MAML2: variants seen among roughly 807,000 people sequenced by gnomAD.
The protein encoded by MAML2 is mastermind-like protein 2.
Under a neutral mutation model 96.1 loss-of-function variants are expected in MAML2, and 22 were observed. The ratio of observed to expected loss-of-function variants is 0.23; its 90% CI spans 0.16 to 0.33. MAML2 has a LOEUF of 0.33. Among genes scored for constraint, MAML2 ranks in the 10% least tolerant of loss-of-function variants. MAML2 has a pLI of 1.00. For missense variants in MAML2, 1,367 were observed against 1,392.4 expected, an observed-to-expected ratio of 0.98 and a Z score of 0.29; for synonymous variants, 561 against 521.3, an observed-to-expected ratio of 1.08 and a Z score of -1.04.
intron 2 of MAML2, among the ~76,000 whole-genome samples, chr11:96,015,196 TG>T (rs1858325446): frequency 6.6e-6 from 1 of 152,054 alleles, no homozygotes; most frequent in Admixed American, 6.5e-5. Context: ...TGATCTAAAG[TG>T]GTGGTAAATC....
chr11:96,271,137 A>G (rs1414569960), intron 1 of MAML2, among the ~76,000 whole-genome samples: 1 of 152,078 alleles, frequency 6.6e-6, no homozygotes, highest in Non-Finnish European at 1.5e-5. Context: ...TGGCTTCCTT[A>G]CCTTTGAGGT....
At chr11:96,259,795 G>T (rs1366535056) in intron 1 of MAML2, among the ~76,000 whole-genome samples, 1 of 152,070 alleles carries the variant, frequency 6.6e-6, no homozygotes, top group Admixed American at 6.5e-5. Flanking sequence ...TTTCAGTAAA[G>T]GTGTCAACTC....
intron 4 of MAML2, among the ~76,000 whole-genome samples, chr11:95,982,251 T>C (rs1262086585): frequency 2.0e-5 from 3 of 152,176 alleles, no homozygotes; most frequent in Admixed American, 1.3e-4. Context: ...ATATTCACTG[T>C]GGAAGAGACT....
intron 1 of MAML2, among the ~76,000 whole-genome samples, chr11:96,255,484 C>T (rs1329207252): frequency 1.3e-5 from 2 of 152,194 alleles, no homozygotes; most frequent in Non-Finnish European, 2.9e-5. Flanking sequence ...TCCCAATCCC[C>T]TCTCACTTGC....
At chr11:96,293,609 T>G (rs375057380) in intron 1 of MAML2, among the ~76,000 whole-genome samples, 1 of 152,084 alleles carries the variant, frequency 6.6e-6, no homozygotes, top group African/African-American at 2.4e-5. Context: ...ATATCAATCT[T>G]GAAGACTCCA....
chr11:96,323,629 A>G (rs1309514463), intron 1 of MAML2, among the ~76,000 whole-genome samples: 1 of 152,250 alleles, frequency 6.6e-6, no homozygotes, highest in Non-Finnish European at 1.5e-5. Flanking sequence ...CACTCACAGT[A>G]TAATCTGGTC....
At chr11:95,994,052 A>C (rs987464828) in intron 2 of MAML2, among the ~76,000 whole-genome samples, 3 of 152,158 alleles carry the variant, frequency 2.0e-5, no homozygotes, top group Non-Finnish European at 4.4e-5. Flanking sequence ...CAATCAGTAC[A>C]CTTTACTGCC....
intron 1 of MAML2, among the ~76,000 whole-genome samples, chr11:96,340,931 G>C (rs1447664384): frequency 6.6e-6 from 1 of 152,138 alleles, no homozygotes; most frequent in East Asian, 1.9e-4. Context: ...AAAAGGGAGA[G>C]GGGAAATGGG....
intron 1 of MAML2, among the ~76,000 whole-genome samples, chr11:96,212,107 A>G (rs959508256): frequency 2.2e-5 from 2 of 92,274 alleles, no homozygotes; most frequent in African/African-American, 9.4e-5. Flanking sequence ...AAGGAAGACA[A>G]AGTGTGTGTG....
In MAML2 at chr11:96,310,181, A is replaced by C. The variant is rs77621482; in HGVS notation, c.513+31202T>G. ...ATAAACTGAGAACTGATATGCAAAG[A>C]AGCCTACTATAAAAAAATAGCTAAA... On this transcript the variant is annotated intron_variant, in intron 1 of 4. Coordinates refer to ENST00000524717, the MANE Select transcript of MAML2 (RefSeq NM_032427.4). Among the ~76,000 whole-genome samples, 584 of 152,358 alleles carry C rather than the reference A, an allele frequency of 3.8e-3. 6 individuals carry two copies. Among genetic ancestry groups the C allele is most frequent in the African/African-American group, 0.013 (556 of 41,578 alleles).
rs919895727 is a variant in MAML2 at position 95,983,474 on chromosome 11, G to C, written c.2455+2057C>G. 5.3e-5 allele frequency among the ~76,000 whole-genome samples: 8 copies of C among 152,206 alleles called. No homozygotes were observed. The East Asian group carries it at 1.3e-3, about 26-fold the overall frequency. On this transcript the variant is annotated intron_variant, in intron 4 of 4. Coordinates refer to ENST00000524717, the MANE Select transcript of MAML2 (RefSeq NM_032427.4). ...AATTACAGCTAGATAGGAGGAATAA[G>C]TCCTGGTGTTTTGTAGCACTCTAGG... is the stretch of plus-strand genomic sequence containing the variant.
intron 1 of MAML2, among the ~76,000 whole-genome samples, chr11:96,187,823 C>T (rs1195017661): frequency 2.6e-5 from 4 of 151,606 alleles, no homozygotes; most frequent in East Asian, 1.9e-4. Flanking sequence ...AAATAACTGT[C>T]GTGTTTAGGA....
At chr11:96,333,856 G>A (rs138306801) in intron 1 of MAML2, among the ~76,000 whole-genome samples, 1 of 152,164 alleles carries the variant, frequency 6.6e-6, no homozygotes, top group African/African-American at 2.4e-5. Flanking sequence ...TGGTAAGTTT[G>A]TCTATTTGGT....
intron 1 of MAML2, among the ~76,000 whole-genome samples, chr11:96,313,063 C>T (rs1863566952): frequency 6.6e-6 from 1 of 152,176 alleles, no homozygotes; most frequent in Non-Finnish European, 1.5e-5. Context: ...GTGCTGGCTA[C>T]TATGCTAAGT....
chr11:96,155,574 G>A (rs535822507), intron 1 of MAML2, among the ~76,000 whole-genome samples: 15 of 118,420 alleles, frequency 1.3e-4, no homozygotes, highest in Admixed American at 1.1e-3. Flanking sequence ...TGGCTACCTA[G>A]AACACCCTGG....
chr11:96,130,885 A>G (rs956220507), intron 1 of MAML2, among the ~76,000 whole-genome samples: 4 of 152,088 alleles, frequency 2.6e-5, no homozygotes, highest in African/African-American at 7.2e-5. Context: ...AGGACCATCC[A>G]AAAAAACCTA....
intron 2 of MAML2, among the ~76,000 whole-genome samples, chr11:96,089,340 C>T (rs996777996): frequency 4.6e-5 from 7 of 152,194 alleles, no homozygotes; most frequent in African/African-American, 1.7e-4. Flanking sequence ...CCAAAATTAA[C>T]ATCTTGAGAA....
intron 2 of MAML2, among the ~76,000 whole-genome samples, chr11:96,023,072 G>A (rs1399918698): frequency 6.6e-6 from 1 of 152,176 alleles, no homozygotes; most frequent in African/African-American, 2.4e-5. Flanking sequence ...GATTCAGTGA[G>A]GAAAAGAGTT....
At chr11:96,291,722 G>C (rs1466962677) in intron 1 of MAML2, among the ~76,000 whole-genome samples, 1 of 152,184 alleles carries the variant, frequency 6.6e-6, no homozygotes, top group South Asian at 2.1e-4. Flanking sequence ...GCACGTGTAA[G>C]TATGTGTGTG....
Sources: gnomAD v4.1 joint callset for allele counts (sites outside exome capture counted in the v4.1 genomes callset) on GRCh38, gnomAD v4.1.1 for gene constraint, MANE v1.5 for transcripts, NCBI Gene and HGNC (gene_info 2026-07-23, HGNC 2026-07-21) for gene names.